KANSL1: variants seen among roughly 807,000 people sequenced by gnomAD.
The protein encoded by KANSL1 is KAT8 regulatory NSL complex subunit 1.
KANSL1 carries 22 observed loss-of-function variants against 103.6 expected under a neutral mutation model. The observed-to-expected ratio is 0.21, with a 90% CI of 0.15 to 0.30. The LOEUF (loss-of-function observed/expected upper bound fraction) is 0.30, where lower values mean the gene tolerates loss of function less well. Ranked by LOEUF, KANSL1 falls within the 10% of genes least tolerant of loss-of-function variation. The pLI, the probability that KANSL1 is intolerant of heterozygous loss-of-function variation, is 1.00. For synonymous variants in KANSL1, 600 were observed against 527.6 expected (o/e 1.14, Z -1.88); for missense variants, 1,337 against 1,399.8 (o/e 0.96, Z 0.72).
At chr17:46,145,064 A>C (rs940329904) in intron 2 of KANSL1, among the ~76,000 whole-genome samples, 2 of 152,236 alleles carry the variant, frequency 1.3e-5, no homozygotes, top group African/African-American at 4.8e-5. Context: ...GCCAGAAATA[A>C]TTCTTTTAGG....
chr17:46,039,483 A>G, intron 8 of KANSL1: 1 of 617,956 alleles, frequency 1.6e-6, no homozygotes, highest in Non-Finnish European at 2.7e-6. Context: ...TTCACTGAGC[A>G]TTTTGGGTCT....
At chr17:46,105,476 G>C (rs2042492759) in intron 2 of KANSL1, among the ~76,000 whole-genome samples, 1 of 146,782 alleles carries the variant, frequency 6.8e-6, no homozygotes, top group South Asian at 2.1e-4. Context: ...AATTAGTAGG[G>C]AATGTGGTGG....
chr17:46,094,126 T>TA (rs2079523287), intron 3 of KANSL1: 1 of 171,710 alleles, frequency 5.8e-6, no homozygotes, highest in South Asian at 1.4e-4. Flanking sequence ...GAGACAGGCC[T>TA]TTCTTAGTTG....
chr17:46,171,289 T>C lies in KANSL1; in HGVS notation c.855A>G (p.Thr285=), dbSNP rs761324788. 4.3e-6 allele frequency: 7 copies of C among 1,614,066 alleles called. No individual in the cohort carries two copies. Among genetic ancestry groups the C allele is most frequent in the Non-Finnish European group, 5.9e-6 (7 of 1,180,056 alleles). Residue 285 remains threonine, a synonymous_variant, in exon 2 of 15, where the codon ACA becomes ACG. Coordinates refer to ENST00000432791, the MANE Select transcript of KANSL1 (RefSeq NM_015443.4). ...FSALDSDTRI[T]ALLRRQADIE... ...TGTCAGCCTGTCGCCGCAGTAAAGC[T>C]GTTATCCTTGTGTCAGAATCTAAAG... is the stretch of plus-strand genomic sequence containing the variant.
At chr17:46,120,628 TA>T (rs1336166573) in intron 2 of KANSL1, among the ~76,000 whole-genome samples, 2 of 152,218 alleles carry the variant, frequency 1.3e-5, no homozygotes, top group African/African-American at 4.8e-5. Context: ...TTTAAATTAA[TA>T]GACTATATTT....
chr17:46,182,526 A>G (rs141169333), intron 1 of KANSL1, among the ~76,000 whole-genome samples: 1 of 152,274 alleles, frequency 6.6e-6, no homozygotes. Context: ...GACCATTATC[A>G]ATTTCCTTGG....
chr17:46,082,641 G>A, intron 3 of KANSL1, 99 bp from the exon 4 acceptor site: 1 of 600,724 alleles, frequency 1.7e-6, no homozygotes, highest in Non-Finnish European at 2.9e-6. Flanking sequence ...TGTACTAGAG[G>A]CCCCCTCTTC....
At chr17:46,196,420 CTG>C (rs2047611776), upstream of KANSL1, 1 of 456,256 alleles carries the variant, frequency 2.2e-6, no homozygotes, top group Non-Finnish European at 4.4e-6. Flanking sequence ...CAAAAGAGAA[CTG>C]TGAGAAAAGG....
chr17:46,078,933 G>A (rs1048967187), intron 4 of KANSL1, among the ~76,000 whole-genome samples: 1 of 152,076 alleles, frequency 6.6e-6, no homozygotes, highest in East Asian at 1.9e-4. Context: ...ACGACTTATC[G>A]GCAGCTACCA....
chr17:46,171,548 C>G lies in KANSL1; in HGVS notation c.596G>C (p.Gly199Ala), dbSNP rs1245763213. Residue 199 changes from glycine to alanine, a missense_variant, in exon 2 of 15, where the codon GGG becomes GCG. This residue lies in a region of KANSL1 where 557 missense variants were observed against 476.4 expected (regional missense o/e 1.17). Coordinates refer to ENST00000432791, the MANE Select transcript of KANSL1 (RefSeq NM_015443.4). ...HGGEMGGSES[G>A]DLKGGMTNCT... Reference sequence around the variant, plus strand: ...ATTGGTCATACCCCCCTTCAAGTCCCCAGATTCAGATCCTCCCATTTCACC... The same window carrying G: ...ATTGGTCATACCCCCCTTCAAGTCCGCAGATTCAGATCCTCCCATTTCACC... 2 of 1,611,466 alleles carry G rather than the reference C, an allele frequency of 1.2e-6. No homozygotes were observed. Among genetic ancestry groups the G allele is most frequent in the Admixed American group, 3.4e-5 (2 of 59,584 alleles).
intron 1 of KANSL1, among the ~76,000 whole-genome samples, chr17:46,219,767 T>C (rs565254061): frequency 6.6e-6 from 1 of 152,230 alleles, no homozygotes; most frequent in Non-Finnish European, 1.5e-5. Context: ...TGTCCTAGAT[T>C]ATGGGCCCTT....
chr17:46,194,768 A>C (rs2047549080), upstream of KANSL1, among the ~76,000 whole-genome samples: 1 of 152,228 alleles, frequency 6.6e-6, no homozygotes. Flanking sequence ...TACCAGAACC[A>C]ATATCCGGCA....
At chr17:46,217,850 C>A (rs1311553974) in intron 1 of KANSL1, among the ~76,000 whole-genome samples, 4 of 152,182 alleles carry the variant, frequency 2.6e-5, no homozygotes, top group Admixed American at 2.0e-4. Flanking sequence ...CATGGTGAAA[C>A]CCTGTTTCTA....
At chr17:46,154,268 C>T (rs1371950055) in intron 2 of KANSL1, among the ~76,000 whole-genome samples, 3 of 152,256 alleles carry the variant, frequency 2.0e-5, no homozygotes, top group African/African-American at 7.2e-5. Context: ...TGGGGAAATG[C>T]TAACATTCTG....
intron 6 of KANSL1, among the ~76,000 whole-genome samples, chr17:46,056,257 C>T (rs149286738): frequency 1.1e-3 from 160 of 152,250 alleles, no homozygotes; most frequent in African/African-American, 3.6e-3. Context: ...CCTTGGCCTC[C>T]CAAAGTGCTA....
intron 1 of KANSL1, among the ~76,000 whole-genome samples, chr17:46,219,919 C>A (rs527571515): frequency 2.0e-4 from 31 of 152,122 alleles, no homozygotes; most frequent in Non-Finnish European, 3.5e-4. Flanking sequence ...CTGGCTAACA[C>A]GGTGAAACTC....
chr17:46,168,721 C>T (rs1162192337), intron 2 of KANSL1, among the ~76,000 whole-genome samples: 1 of 152,200 alleles, frequency 6.6e-6, no homozygotes, highest in South Asian at 2.1e-4. Context: ...TATGATCTAA[C>T]GCATGAAAAT....
intron 2 of KANSL1, among the ~76,000 whole-genome samples, chr17:46,149,244 G>A (rs560209648): frequency 5.2e-4 from 79 of 151,900 alleles, no homozygotes; most frequent in Non-Finnish European, 6.0e-4. Context: ...CTTGTGATCC[G>A]CCCGTCTCGG....
chr17:46,181,695 G>C (rs2046802658), intron 1 of KANSL1, among the ~76,000 whole-genome samples: 1 of 152,166 alleles, frequency 6.6e-6, no homozygotes, highest in Non-Finnish European at 1.5e-5. Context: ...GCCTCCCAAA[G>C]TGCTGGAATT....
Sources: allele counts gnomAD v4.1 joint callset (sites outside exome capture counted in the v4.1 genomes callset), GRCh38; gene constraint gnomAD v4.1.1; regional missense constraint gnomAD v4.1.1; transcripts MANE v1.5; gene names NCBI Gene and HGNC (gene_info 2026-07-23, HGNC 2026-07-21).